Variants in MME observed in about 807,000 individuals in gnomAD.
MME encodes membrane metalloendopeptidase.
A neutral mutation model predicts 113.2 loss-of-function variants in MME; 98 were observed. The ratio of observed to expected loss-of-function variants is 0.87; its 90% CI spans 0.74 to 1.02. The LOEUF (loss-of-function observed/expected upper bound fraction) is 1.02. MME is among the 50% of genes least tolerant of loss of function. MME has a pLI of 0.00. For synonymous variants in MME, 292 were observed against 300.6 expected (o/e 0.97, Z 0.30); for missense variants, 836 against 896.0 (o/e 0.93, Z 0.86).
chr3:155,068,215 A>G (rs150252482), intron 1 of MME, among the ~76,000 whole-genome samples: 2 of 152,326 alleles, frequency 1.3e-5, no homozygotes, highest in Non-Finnish European at 2.9e-5. Flanking sequence ...AATTCTAGAA[A>G]ATGCAAACTA....
chr3:155,068,766 A>G (rs1384319077), intron 1 of MME, among the ~76,000 whole-genome samples: 1 of 152,216 alleles, frequency 6.6e-6, no homozygotes, highest in Admixed American at 6.5e-5. Flanking sequence ...CCAGGAAATA[A>G]TGTGAACAAT....
chr3:155,142,398 C>A, intron 12 of MME, 68 bp downstream of exon 12: 1 of 1,272,436 alleles, frequency 7.9e-7, no homozygotes, highest in South Asian at 1.2e-5. Context: ...GAAGGCTTAC[C>A]ATGTACACTG....
rs1714490224 is a variant in MME, at chr3:155,069,594, T to C, written c.-10-14564T>C. Among the ~76,000 whole-genome samples, 4 of 152,326 alleles carry C rather than the reference T, an allele frequency of 2.6e-5. No individual in the cohort carries two copies. The South Asian group carries it at 6.2e-4, about 24-fold the overall frequency. ...TTATTCGTATCATTCCTTGTTATAATGTGAAATTTTGCCTTAGCAATTTAT... is the reference window on the plus strand; with the variant it reads ...TTATTCGTATCATTCCTTGTTATAACGTGAAATTTTGCCTTAGCAATTTAT... On this transcript the variant is annotated intron_variant, in intron 1 of 22. Coordinates refer to the MME transcript ENST00000492661.
intron 22 of MME, among the ~76,000 whole-genome samples, chr3:155,176,599 G>A (rs1712541813): frequency 6.6e-6 from 1 of 152,140 alleles, no homozygotes; most frequent in Non-Finnish European, 1.5e-5. Flanking sequence ...GCCAAGGAGG[G>A]AGGATCACTT....
At chr3:155,098,650 A>G (rs573843830) in intron 3 of MME, among the ~76,000 whole-genome samples, 1 of 152,064 alleles carries the variant, frequency 6.6e-6, no homozygotes, top group Non-Finnish European at 1.5e-5. Context: ...CAAACAAACA[A>G]AAAACACTTC....
At chr3:155,165,748 T>C (rs1723046313) in intron 17 of MME, among the ~76,000 whole-genome samples, 1 of 152,132 alleles carries the variant, frequency 6.6e-6, no homozygotes, top group Non-Finnish European at 1.5e-5. Flanking sequence ...AAGATGCTCC[T>C]GAAAGCTACC....
At chr3:155,137,767 A>G (rs923075218) in intron 8 of MME, among the ~76,000 whole-genome samples, 1 of 152,158 alleles carries the variant, frequency 6.6e-6, no homozygotes, top group East Asian at 1.9e-4. Context: ...AAATTAGTAT[A>G]TGTTATTGCT....
chr3:155,169,937 T>A (rs1711727072), intron 20 of MME, among the ~76,000 whole-genome samples: 1 of 152,132 alleles, frequency 6.6e-6, no homozygotes, highest in Admixed American at 6.6e-5. Flanking sequence ...GGAGATTAAG[T>A]CAGCTACAAG....
At chr3:155,030,488 G>A (rs1036512056) in intron 1 of MME, among the ~76,000 whole-genome samples, 1 of 151,988 alleles carries the variant, frequency 6.6e-6, no homozygotes, top group Non-Finnish European at 1.5e-5. Context: ...AGCATTTTCT[G>A]TATCTGTACT....
chr3:155,125,680 C>T (rs985869966), intron 8 of MME, among the ~76,000 whole-genome samples: 7 of 151,766 alleles, frequency 4.6e-5, no homozygotes, highest in African/African-American at 7.3e-5. Flanking sequence ...AGTGTGGTCT[C>T]GAACTCCTGA....
chr3:155,113,947 A>G (rs940884499), intron 3 of MME, among the ~76,000 whole-genome samples: 1 of 152,144 alleles, frequency 6.6e-6, no homozygotes, highest in Non-Finnish European at 1.5e-5. Flanking sequence ...CATGCCAAAA[A>G]AGTGGTTCAA....
At chr3:155,044,799 C>T (rs988278560) in intron 1 of MME, among the ~76,000 whole-genome samples, 2 of 152,154 alleles carry the variant, frequency 1.3e-5, no homozygotes, top group African/African-American at 4.8e-5. Context: ...AATTTTCTAG[C>T]ATGTAAATAT....
At chr3:155,051,363 A>G (rs77717078) in intron 1 of MME, among the ~76,000 whole-genome samples, 6,652 of 152,296 alleles carry the variant, frequency 0.044, 158 homozygotes, top group African/African-American at 0.052. Flanking sequence ...ATGCTACACT[A>G]GCAGAAACAC....
At chr3:155,166,535 G>A (rs568069350) in intron 17 of MME, among the ~76,000 whole-genome samples, 2 of 152,104 alleles carry the variant, frequency 1.3e-5, no homozygotes, top group Non-Finnish European at 2.9e-5. Flanking sequence ...TCTGAATGAA[G>A]GTTATAACTT....
Position 155,171,157 on chromosome 3 carries a change from T to C in MME, c.1981-960T>C, listed in dbSNP as rs137856911. Among the ~76,000 whole-genome samples, 230 of 152,300 alleles carry C rather than the reference T, an allele frequency of 1.5e-3. 1 individual carries two copies. The highest frequency in any genetic ancestry group is 5.4e-3 in the African/African-American group (224 of 41,582). The stretch of plus-strand genomic sequence containing the variant: ...AACCTCACCTAGAGCAAGTACAGAA[T>C]TGTTAATGATGAAGCAAATTACAAT... On this transcript the variant is annotated intron_variant, in intron 20 of 22. Transcript: ENST00000360490.
chr3:155,061,553 C>A lies in MME; in HGVS notation c.-10-22605C>A, dbSNP rs181997977. Among the ~76,000 whole-genome samples, 4 of 151,068 alleles carry A rather than the reference C, an allele frequency of 2.6e-5. No individual in the cohort carries two copies. The East Asian group carries it at 7.8e-4, about 29-fold the overall frequency. ...GCTAAAACTTTTAACAACCACATTA[C>A]AAACCTGTATTTGTTATTGATGTAT... On this transcript the variant is annotated intron_variant, in intron 1 of 22. Coordinates refer to the MME transcript ENST00000492661.
In MME at chr3:155,180,448, C is replaced by T. The variant is rs141665432; in HGVS notation, c.2242C>T (p.Arg748Trp). 113 of 1,612,800 alleles carry T rather than the reference C, an allele frequency of 7.0e-5. 3 individuals carry two copies. In the South Asian group the frequency reaches 1.0e-3, roughly 14 times the overall value. The change falls in exon 23 of 23, where the codon CGG becomes TGG. Residue 748 changes from arginine (R) to tryptophan (W), a missense_variant. Transcript: ENST00000360490. ...NSYMNPEKKC[R>W]VW ...ATACATGAATCCAGAAAAGAAGTGCCGGGTTTGGTGATCTTCAAAAGAAGC... is the reference window on the plus strand; with the variant it reads ...ATACATGAATCCAGAAAAGAAGTGCTGGGTTTGGTGATCTTCAAAAGAAGC...
chr3:155,123,354 G>T (rs1457953504), intron 8 of MME, among the ~76,000 whole-genome samples: 5 of 118,646 alleles, frequency 4.2e-5, no homozygotes, highest in Admixed American at 9.4e-5. Context: ...CACACTGATG[G>T]GTCTTGACTG....
At chr3:155,072,213 TA>T (rs1333873469) in intron 1 of MME, among the ~76,000 whole-genome samples, 1 of 150,836 alleles carries the variant, frequency 6.6e-6, no homozygotes, top group Non-Finnish European at 1.5e-5. Context: ...CCTAGCCCTT[TA>T]ACAGATCTCC....
Sources: gnomAD v4.1 joint callset for allele counts (sites outside exome capture counted in the v4.1 genomes callset) on GRCh38, gnomAD v4.1.1 for gene constraint, MANE v1.5 for transcripts, NCBI Gene and HGNC (gene_info 2026-07-23, HGNC 2026-07-21) for gene names.